The following YAP1 variants were observed in gnomAD, a reference collection of about 807,000 sequenced individuals.
YAP1 encodes the protein transcriptional coactivator YAP1.
YAP1 carries 5 observed loss-of-function variants against 56.9 expected under a neutral mutation model. That is an observed-to-expected ratio of 0.09 (90% CI 0.05 to 0.18). YAP1 has a LOEUF of 0.18. Ranked by LOEUF, YAP1 falls within the 10% of genes least tolerant of loss-of-function variation. The probability of loss-of-function intolerance (pLI) is 1.00; values close to 1 mark genes in which losing one functional copy is unlikely to be tolerated. For synonymous variants in YAP1, 265 were observed against 248.1 expected (o/e 1.07, Z -0.64); for missense variants, 539 against 651.8 (o/e 0.83, Z 1.88).
At chr11:102,137,816 A>G (rs1356138107) in intron 2 of YAP1, among the ~76,000 whole-genome samples, 1 of 151,918 alleles carries the variant, frequency 6.6e-6, no homozygotes, top group African/African-American at 2.4e-5. Context: ...AAGATCTTCT[A>G]AAAGTGTTTA....
chr11:102,138,033 G>C (rs989906222), intron 2 of YAP1, among the ~76,000 whole-genome samples: 1 of 152,036 alleles, frequency 6.6e-6, no homozygotes, highest in African/African-American at 2.4e-5. Flanking sequence ...GATTACAGGC[G>C]CGTGCCACCA....
Position 102,229,880 on chromosome 11 carries a change from C to T in YAP1, c.1455C>T (p.Asp485=). ...CTTTGAGTTCTGACATCCTTAATGA[C>T]ATGGAGTCTGTTTTGGCTGCCACCA... The part of the protein sequence containing the change: ...QEALSSDILN[D]MESVLAATKL... The change falls in exon 9 of 9, where the codon GAC becomes GAT. Residue 485 remains aspartate (D), a synonymous_variant. Transcript: ENST00000282441. The T allele has an allele frequency of 6.2e-7, 1 of 1,614,090 alleles. No individual in the cohort carries two copies. Among genetic ancestry groups the T allele is most frequent in the Non-Finnish European group, 8.5e-7 (1 of 1,179,974 alleles).
intron 3 of YAP1, among the ~76,000 whole-genome samples, chr11:102,176,046 TTG>T (rs1296837799): frequency 6.6e-6 from 1 of 152,228 alleles, no homozygotes; most frequent in Non-Finnish European, 1.5e-5. Context: ...GAAGACTCCT[TTG>T]TAAAAAAAAA....
intron 1 of YAP1, among the ~76,000 whole-genome samples, chr11:102,112,001 A>C (rs934339335): frequency 8.5e-5 from 13 of 152,096 alleles, no homozygotes; most frequent in African/African-American, 3.1e-4. Flanking sequence ...TATCAAACTT[A>C]GTAGGTCGCG....
At chr11:102,157,691 T>G (rs1946033562) in intron 2 of YAP1, among the ~76,000 whole-genome samples, 1 of 152,176 alleles carries the variant, frequency 6.6e-6, no homozygotes, top group Non-Finnish European at 1.5e-5. Context: ...TAAGTTCAAG[T>G]TTTCTCACTT....
At chr11:102,120,338 C>A (rs1943572588) in intron 2 of YAP1, among the ~76,000 whole-genome samples, 1 of 152,206 alleles carries the variant, frequency 6.6e-6, no homozygotes, top group African/African-American at 2.4e-5. Flanking sequence ...ATTTAATCCT[C>A]ATTTTGCTCC....
intron 2 of YAP1, among the ~76,000 whole-genome samples, chr11:102,143,984 T>C (rs1945173062): frequency 6.6e-6 from 1 of 152,160 alleles, no homozygotes; most frequent in African/African-American, 2.4e-5. Flanking sequence ...CATAAAGACG[T>C]GTAAAGAAAA....
At chr11:102,226,606 A>G (rs897386414) in intron 7 of YAP1, among the ~76,000 whole-genome samples, 7 of 152,204 alleles carry the variant, frequency 4.6e-5, no homozygotes, top group Non-Finnish European at 8.8e-5. Flanking sequence ...TCTAGATGCT[A>G]CTAGCTTAGG....
chr11:102,114,380 G>T lies in YAP1; in HGVS notation c.558G>T (p.Gln186His). 1.2e-6 allele frequency: 2 copies of T among 1,612,870 alleles called. No homozygotes were observed. Among genetic ancestry groups the T allele is most frequent in the Non-Finnish European group, 1.7e-6 (2 of 1,178,850 alleles). ...GWEMAKTSSG[Q>H]RYFLNHIDQT... ...AGATGGCAAAGACATCTTCTGGTCAGAGATACTTCTTAAAGTAAGTGAAAA... is the reference window on the plus strand; with the variant it reads ...AGATGGCAAAGACATCTTCTGGTCATAGATACTTCTTAAAGTAAGTGAAAA... The change falls in exon 2 of 9, where the codon CAG becomes CAT. Residue 186 changes from glutamine (Q) to histidine (H), a missense_variant. Transcript: ENST00000282441.
intron 4 of YAP1, chr11:102,186,660 A>C (rs1272943732): frequency 6.5e-6 from 1 of 152,686 alleles, no homozygotes; most frequent in Admixed American, 6.5e-5. Context: ...CTCTCGAAAA[A>C]TAAATGTTTT....
chr11:102,220,281 A>G (rs1406562502), intron 6 of YAP1, among the ~76,000 whole-genome samples: 6 of 152,156 alleles, frequency 3.9e-5, no homozygotes, highest in African/African-American at 1.4e-4. Context: ...TGGAGTAGTG[A>G]CCATGAGGAT....
rs2135084131 is a variant in YAP1 at position 102,110,880 on chromosome 11, C to T, written c.32C>T (p.Pro11Leu). Residue 11 changes from proline to leucine, a missense_variant, in exon 1 of 9, where the codon CCG (proline) becomes CTG (leucine). By Grantham distance (98) the Pro-to-Leu change is moderately conservative (BLOSUM62 -3). Around this residue, in one of 4 missense-constraint regions of YAP1, gnomAD observed 106 missense variants for 86.6 expected, o/e 1.22. Transcript: ENST00000282441. MDPGQQPPPQ[P>L]APQGQGQPPS... is the part of the protein sequence containing the mutation. ...CCCGGGCAGCAGCCGCCGCCTCAACCGGCCCCCCAGGGCCAAGGGCAGCCG... is the reference window on the plus strand; with the variant it reads ...CCCGGGCAGCAGCCGCCGCCTCAACTGGCCCCCCAGGGCCAAGGGCAGCCG... The T allele has an allele frequency of 1.4e-6, 2 of 1,422,480 alleles. No individual in the cohort carries two copies. Among genetic ancestry groups the T allele is most frequent in the Admixed American group, 2.6e-5 (1 of 37,946 alleles). 88.1% of individuals were successfully genotyped at this position (1,422,480 alleles called of 1,614,324 possible).
intron 2 of YAP1, among the ~76,000 whole-genome samples, chr11:102,150,244 A>G (rs898312809): frequency 6.6e-6 from 1 of 152,028 alleles, no homozygotes; most frequent in Non-Finnish European, 1.5e-5. Context: ...TCGGCTTCCC[A>G]AAGTGCTGGG....
At chr11:102,154,129 A>T (rs1339556668) in intron 2 of YAP1, among the ~76,000 whole-genome samples, 1 of 152,188 alleles carries the variant, frequency 6.6e-6, no homozygotes. Context: ...TTTCATAGTC[A>T]TTTAACTTGA....
intron 2 of YAP1, among the ~76,000 whole-genome samples, chr11:102,143,058 G>T (rs562618601): frequency 3.3e-5 from 5 of 152,252 alleles, no homozygotes; most frequent in African/African-American, 9.6e-5. Context: ...AGGTTCACCC[G>T]TCCAGGTATG....
At chr11:102,144,453 C>T (rs760237724) in intron 2 of YAP1, among the ~76,000 whole-genome samples, 2 of 152,226 alleles carry the variant, frequency 1.3e-5, no homozygotes, top group South Asian at 2.1e-4. Context: ...TGTAATGTGG[C>T]TTATTGATTT....
At chr11:102,113,888 A>G (rs1355235057) in intron 1 of YAP1, among the ~76,000 whole-genome samples, 1 of 152,130 alleles carries the variant, frequency 6.6e-6, no homozygotes, top group Non-Finnish European at 1.5e-5. Context: ...TTACATGTCT[A>G]GTGTGGACCA....
chr11:102,123,903 A>C lies in YAP1; in HGVS notation c.572+9509A>C, dbSNP rs1408484396. Among the ~76,000 whole-genome samples the C allele has an allele frequency of 2.0e-5, 3 of 151,070 alleles. No individual in the cohort carries two copies. In the East Asian group the frequency reaches 5.9e-4, roughly 30 times the overall value. On this transcript the variant is annotated intron_variant, in intron 2 of 8. Transcript: ENST00000282441. ...TGGCCTCCCAAAGTGCTGGGATTAC[A>C]GGTGTGAGCCACCATGCCCGGCCAC...
At chr11:102,160,684 T>C (rs1946219433) in intron 2 of YAP1, among the ~76,000 whole-genome samples, 1 of 44,126 alleles carries the variant, frequency 2.3e-5, no homozygotes, top group Non-Finnish European at 4.2e-5. Context: ...TTCCTGGTAA[T>C]GCCACATAAC....
Sources: gnomAD v4.1 joint callset for allele counts (sites outside exome capture counted in the v4.1 genomes callset) on GRCh38, gnomAD v4.1.1 for gene constraint, gnomAD v4.1.1 regional missense constraint, MANE v1.5 for transcripts, NCBI Gene and HGNC (gene_info 2026-07-23, HGNC 2026-07-21) for gene names.